Variants in GSPT1 observed in about 807,000 individuals in gnomAD.
GSPT1 encodes the protein eukaryotic peptide chain release factor GTP-binding subunit ERF3A.
In GSPT1, 20 loss-of-function variants were observed where a neutral mutation model predicts 72.5. That is an observed-to-expected ratio of 0.28 (90% CI 0.19 to 0.40). GSPT1 has a LOEUF of 0.40. GSPT1 is among the 10% of genes least tolerant of loss of function. The pLI, the probability that GSPT1 is intolerant of heterozygous loss-of-function variation, is 1.00. For missense variants in GSPT1, 580 were observed against 811.9 expected, an observed-to-expected ratio of 0.71 and a Z score of 3.47; for synonymous variants, 334 against 293.5, an observed-to-expected ratio of 1.14 and a Z score of -1.41.
chr16:11,902,151 G>A (rs1407691405), intron 1 of GSPT1, among the ~76,000 whole-genome samples: 4 of 150,796 alleles, frequency 2.7e-5, no homozygotes, highest in Non-Finnish European at 5.9e-5. Flanking sequence ...GGGAGGCCGA[G>A]GCGGGTGGAT....
At chr16:11,874,544 AT>A (rs1293805073) in intron 14 of GSPT1, among the ~76,000 whole-genome samples, 12 of 142,952 alleles carry the variant, frequency 8.4e-5, no homozygotes, top group African/African-American at 3.2e-4. Context: ...TGCTACATTA[AT>A]TGCTTTTCTT....
intron 1 of GSPT1, among the ~76,000 whole-genome samples, chr16:11,913,644 C>A (rs184080491): frequency 8.5e-4 from 130 of 152,206 alleles, no homozygotes; most frequent in African/African-American, 3.1e-3. Flanking sequence ...GGTGGCTCCA[C>A]AGAAAGGAGG....
intron 1 of GSPT1, among the ~76,000 whole-genome samples, chr16:11,912,576 G>A (rs1270608929): frequency 1.3e-5 from 2 of 152,144 alleles, no homozygotes; most frequent in African/African-American, 4.8e-5. Flanking sequence ...AAGGTGGGAT[G>A]ATGCAAAGAA....
In GSPT1 at chr16:11,890,196, G is replaced by A. The variant is rs1481959693; in HGVS notation, c.776+866C>T. On this transcript the variant is annotated intron_variant, in intron 6 of 14. Transcript: ENST00000434724. ...AGGATGGTCTCGATCTCCTGACCTCGTGATCCGCCCGTCTTGGCCTCCCAA... is the reference window on the plus strand; with the variant it reads ...AGGATGGTCTCGATCTCCTGACCTCATGATCCGCCCGTCTTGGCCTCCCAA... 4.0e-5 allele frequency among the ~76,000 whole-genome samples: 6 copies of A among 150,170 alleles called. No individual in the cohort carries two copies. In the East Asian group the frequency reaches 8.0e-4, roughly 20 times the overall value.
At chr16:11,889,838 C>G (rs887198687) in intron 6 of GSPT1, among the ~76,000 whole-genome samples, 2 of 151,934 alleles carry the variant, frequency 1.3e-5, no homozygotes, top group African/African-American at 4.8e-5. Flanking sequence ...CAGGGTTTCA[C>G]CATATTGGCC....
chr16:11,902,591 T>TA (rs2054426869), intron 1 of GSPT1, among the ~76,000 whole-genome samples: 1 of 79,662 alleles, frequency 1.3e-5, no homozygotes, highest in South Asian at 6.5e-4. Context: ...AACTGGATCT[T>TA]TTTTTTTTTT....
At position 11,915,796 on chromosome 16, in the gene GSPT1, C is replaced by T; in HGVS notation, c.-76G>A. On this transcript the variant is annotated 5_prime_UTR_variant, in exon 1 of 15. Transcript: ENST00000434724. Reference sequence around the variant, plus strand: ...GGGCGCCCGGCCGGAGAGGAGTGGGCAACGCTGACTGAGGGAAGGCGGCGG... The same window carrying T: ...GGGCGCCCGGCCGGAGAGGAGTGGGTAACGCTGACTGAGGGAAGGCGGCGG... The T allele has an allele frequency of 1.3e-6, 2 of 1,577,560 alleles. No homozygotes were observed. Among genetic ancestry groups the T allele is most frequent in the South Asian group, 1.1e-5 (1 of 90,636 alleles).
chr16:11,873,188 A>C lies in GSPT1; in HGVS notation c.1862-17T>G. Reference sequence around the variant, plus strand: ...TGGTCTTACCTAGAAATGAAATTTTAAAAAAATCTTTCAGTAGTTAACAGC... The same window carrying C: ...TGGTCTTACCTAGAAATGAAATTTTCAAAAAATCTTTCAGTAGTTAACAGC... On this transcript the variant is annotated splice_polypyrimidine_tract_variant and intron_variant, in intron 14 of 14. Coordinates refer to ENST00000434724, the MANE Select transcript of GSPT1 (RefSeq NM_002094.4). The C allele has an allele frequency of 7.0e-7, 1 of 1,433,924 alleles. No individual in the cohort carries two copies. Among genetic ancestry groups the C allele is most frequent in the Non-Finnish European group, 9.8e-7 (1 of 1,018,336 alleles). The allele number at this position is 1,433,924 out of a possible 1,614,324, so 88.8% of individuals were successfully genotyped here.
intron 5 of GSPT1, among the ~76,000 whole-genome samples, chr16:11,894,541 A>C (rs1261466048): frequency 6.6e-6 from 1 of 152,196 alleles, no homozygotes; most frequent in African/African-American, 2.4e-5. Flanking sequence ...AAGGAGACCA[A>C]GTTTCCCATA....
chr16:11,892,524 A>AAAAAATAAATAAAT (rs200463988), intron 5 of GSPT1, among the ~76,000 whole-genome samples: 32 of 126,706 alleles, frequency 2.5e-4, no homozygotes, highest in African/African-American at 1.2e-3. Context: ...CAAAAAAAAC[A>AAAAAATAAATAAAT]AAAAAAACAA....
rs1596462563 is a variant in GSPT1, at chr16:11,887,582, A to G, written c.945T>C (p.Asp315=). 1 of 1,613,896 alleles carries G rather than the reference A, an allele frequency of 6.2e-7. No homozygotes were observed. Among genetic ancestry groups the G allele is most frequent in the South Asian group, 1.1e-5 (1 of 91,060 alleles). The change falls in exon 7 of 15, where the codon GAT becomes GAC. Residue 315 remains aspartate, a synonymous_variant. Coordinates refer to ENST00000434724, the MANE Select transcript of GSPT1 (RefSeq NM_002094.4). ...PNMIGGASQA[D]LAVLVISARK... ...ATGTCTTTCTTACCAGCACAGCCAA[A>G]TCAGCTTGAGAGGCACCACCAATCA...
chr16:11,890,219 C>A (rs2054241730), intron 6 of GSPT1, among the ~76,000 whole-genome samples: 1 of 152,144 alleles, frequency 6.6e-6, no homozygotes, highest in African/African-American at 2.4e-5. Context: ...CTTGGCCTCC[C>A]AAAGTGCTGA....
intron 1 of GSPT1, chr16:11,914,929 A>G: frequency 2.0e-6 from 2 of 983,488 alleles, no homozygotes; most frequent in Non-Finnish European, 2.8e-6. Flanking sequence ...GCTGGGCCTA[A>G]GGTGAAAGGA....
intron 1 of GSPT1, among the ~76,000 whole-genome samples, chr16:11,910,270 G>A (rs1026406343): frequency 6.6e-5 from 10 of 152,142 alleles, no homozygotes; most frequent in African/African-American, 2.4e-4. Context: ...AGACTGAGAG[G>A]TTTTACGTAA....
intron 14 of GSPT1, among the ~76,000 whole-genome samples, chr16:11,873,595 G>C (rs369842763): frequency 6.6e-6 from 1 of 151,866 alleles, no homozygotes; most frequent in Non-Finnish European, 1.5e-5. Context: ...ACAGGCATGA[G>C]CCACTGCATA....
At position 11,915,868 on chromosome 16, in the gene GSPT1, G is replaced by A. The variant is rs780470722; in HGVS notation, c.-148C>T. The A allele has an allele frequency of 8.0e-6, 10 of 1,244,544 alleles. No individual in the cohort carries two copies. Among genetic ancestry groups the A allele is most frequent in the South Asian group, 7.2e-5 (6 of 83,606 alleles). 77.1% of individuals were successfully genotyped at this position (1,244,544 alleles called of 1,614,324 possible). Reference sequence around the variant, plus strand: ...CGACAAAGATCCCCGGCGTCGCCGCGGCAGCAGCTCCAGTCCCGACTCCAC... The same window carrying A: ...CGACAAAGATCCCCGGCGTCGCCGCAGCAGCAGCTCCAGTCCCGACTCCAC... On this transcript the variant is annotated 5_prime_UTR_variant, in exon 1 of 15. Transcript: ENST00000434724.
At chr16:11,878,111 A>G (rs1472282788) in intron 11 of GSPT1, among the ~76,000 whole-genome samples, 1 of 152,124 alleles carries the variant, frequency 6.6e-6, no homozygotes, top group Non-Finnish European at 1.5e-5. Flanking sequence ...ATGGCTGCAT[A>G]GCATTGTTAT....
intron 11 of GSPT1, chr16:11,882,673 G>A (rs1169155560): frequency 1.1e-5 from 2 of 180,418 alleles, no homozygotes; most frequent in Non-Finnish European, 2.4e-5. Context: ...ACACAAAGGA[G>A]GCCAGGCATG....
chr16:11,888,021 G>T (rs1275630139), intron 6 of GSPT1, among the ~76,000 whole-genome samples: 1 of 152,132 alleles, frequency 6.6e-6, no homozygotes, highest in Non-Finnish European at 1.5e-5. Context: ...AATTAGCTGG[G>T]TGTGGAGGAG....
Sources: allele counts gnomAD v4.1 joint callset (sites outside exome capture counted in the v4.1 genomes callset), GRCh38; gene constraint gnomAD v4.1.1; transcripts MANE v1.5; gene names NCBI Gene and HGNC (gene_info 2026-07-23, HGNC 2026-07-21).